The following ARL8B variants were observed in gnomAD, a reference collection of about 807,000 sequenced individuals.
The protein encoded by ARL8B is ADP-ribosylation factor-like protein 8B.
Under a neutral mutation model 30.6 loss-of-function variants are expected in ARL8B, and 9 were observed. The ratio of observed to expected loss-of-function variants is 0.29; its 90% CI spans 0.18 to 0.51. The LOEUF is 0.51. ARL8B is among the 20% of genes least tolerant of loss of function. The pLI is 0.97. For missense variants in ARL8B, 130 were observed against 227.2 expected (o/e 0.57, Z 2.75); for synonymous variants, 74 against 76.0 (o/e 0.97, Z 0.14).
intron 1 of ARL8B, among the ~76,000 whole-genome samples, chr3:5,154,373 GC>G (rs34477772): frequency 0.39 from 58,071 of 148,948 alleles, 12,918 homozygotes; most frequent in African/African-American, 0.64. Flanking sequence ...TCGCTGTGTT[GC>G]CCGAGGGTGG....
chr3:5,157,496 A>C (rs1039363151), intron 1 of ARL8B, among the ~76,000 whole-genome samples: 2 of 143,180 alleles, frequency 1.4e-5, no homozygotes, highest in Non-Finnish European at 3.1e-5. Context: ...AAACAAAAAA[A>C]CCCCCAAAGC....
intron 1 of ARL8B, among the ~76,000 whole-genome samples, chr3:5,128,162 CAAAAA>C (rs35084667): frequency 9.4e-5 from 5 of 53,152 alleles, no homozygotes; most frequent in Admixed American, 2.0e-4. Context: ...AAATCCGTCT[CAAAAA>C]AAAAAAAAAA....
intron 1 of ARL8B, chr3:5,128,631 T>G (rs1226733351): frequency 4.5e-6 from 1 of 221,210 alleles, no homozygotes; most frequent in East Asian, 1.5e-4. Context: ...ATTGAACCTA[T>G]AAAAAAGTTA....
At chr3:5,139,987 G>GTTTTTT (rs375903438) in intron 1 of ARL8B, among the ~76,000 whole-genome samples, 13 of 130,032 alleles carry the variant, frequency 1.0e-4, no homozygotes, top group African/African-American at 1.7e-4. Flanking sequence ...GATTAGTTTT[G>GTTTTTT]TTTTTTTTTT....
intron 1 of ARL8B, among the ~76,000 whole-genome samples, chr3:5,169,923 C>T (rs2054656719): frequency 6.6e-6 from 1 of 152,100 alleles, no homozygotes; most frequent in Non-Finnish European, 1.5e-5. Context: ...TCGTTGTGCT[C>T]AAGATTTAAG....
At chr3:5,168,947 A>G (rs1258233237) in intron 1 of ARL8B, among the ~76,000 whole-genome samples, 1 of 152,224 alleles carries the variant, frequency 6.6e-6, no homozygotes, top group Non-Finnish European at 1.5e-5. Context: ...GCCTATCACA[A>G]TAAATATAAT....
intron 1 of ARL8B, among the ~76,000 whole-genome samples, chr3:5,151,370 G>GAGTGC (rs1210234852): frequency 6.6e-6 from 1 of 152,106 alleles, no homozygotes; most frequent in Non-Finnish European, 1.5e-5. Context: ...TTGAACTCAG[G>GAGTGC]AGTCTGAGGC....
intron 1 of ARL8B, among the ~76,000 whole-genome samples, chr3:5,127,287 A>C (rs1039549836): frequency 2.0e-5 from 3 of 152,216 alleles, no homozygotes; most frequent in African/African-American, 7.2e-5. Flanking sequence ...CCACCTCTTT[A>C]GATCCAGCTG....
rs1222028709 is a variant in ARL8B at position 5,180,631 on chromosome 3, C to G, written c.*1918C>G. 10 of 152,674 alleles carry G rather than the reference C, an allele frequency of 6.5e-5. No homozygotes were observed. Among genetic ancestry groups the G allele is most frequent in the Admixed American group, 6.5e-4 (10 of 15,292 alleles). The allele number at this position is 152,674 out of a possible 1,614,324, so 9.5% of individuals were successfully genotyped here. A position where few individuals can be genotyped will look rare whatever the true frequency, so the allele number is the denominator to read the frequency against. On this transcript the variant is annotated 3_prime_UTR_variant, in exon 7 of 7. Transcript: ENST00000256496. Reference sequence around the variant, plus strand: ...GTGCATTAACCTCTGCATGTGAAAACTTTTAACAGTTACTGAACTATGTAA... The same window carrying G: ...GTGCATTAACCTCTGCATGTGAAAAGTTTTAACAGTTACTGAACTATGTAA...
At chr3:5,149,488 G>A (rs2054460177) in intron 1 of ARL8B, among the ~76,000 whole-genome samples, 1 of 151,548 alleles carries the variant, frequency 6.6e-6, no homozygotes, top group African/African-American at 2.4e-5. Flanking sequence ...GCACACCTGG[G>A]GCAGTTACGA....
chr3:5,122,725 C>T (rs1031914212), intron 1 of ARL8B, 137 bp downstream of exon 1: 23 of 999,032 alleles, frequency 2.3e-5, no homozygotes, highest in Non-Finnish European at 2.7e-5. Flanking sequence ...GGCCTGTCAT[C>T]TCCCGAGGGC....
chr3:5,175,123 A>C (rs1180549494), intron 6 of ARL8B, among the ~76,000 whole-genome samples: 1 of 152,112 alleles, frequency 6.6e-6, no homozygotes, highest in Non-Finnish European at 1.5e-5. Flanking sequence ...AACAGCAAAA[A>C]ATTTTTTAAA....
intron 6 of ARL8B, among the ~76,000 whole-genome samples, chr3:5,176,654 A>G (rs1406341496): frequency 6.6e-6 from 1 of 152,254 alleles, no homozygotes; most frequent in Non-Finnish European, 1.5e-5. Context: ...ATTTTCCTTT[A>G]TAAATGGATA....
Position 5,179,051 on chromosome 3 carries a change from A to C in ARL8B, c.*338A>C, listed in dbSNP as rs2054754904. The C allele has an allele frequency of 5.4e-6, 1 of 184,636 alleles. No individual in the cohort carries two copies. The highest frequency in any genetic ancestry group is 1.1e-5 in the Non-Finnish European group (1 of 89,352). 11.4% of individuals were successfully genotyped at this position (184,636 alleles called of 1,614,324 possible). On this transcript the variant is annotated 3_prime_UTR_variant, in exon 7 of 7. Coordinates refer to ENST00000256496, the MANE Select transcript of ARL8B (RefSeq NM_018184.3). ...ATTTCCATTCTGGTCTTTCTGGGCC[A>C]GATTTTTATATTGGTTTTCAGTAAA...
intron 6 of ARL8B, among the ~76,000 whole-genome samples, chr3:5,174,777 CATA>C (rs2054713772): frequency 7.1e-6 from 1 of 139,916 alleles, no homozygotes. Flanking sequence ...TTATATATAA[CATA>C]AATATATATA....
At chr3:5,127,097 T>G (rs1676063477) in intron 1 of ARL8B, among the ~76,000 whole-genome samples, 1 of 152,234 alleles carries the variant, frequency 6.6e-6, no homozygotes, top group Non-Finnish European at 1.5e-5. Flanking sequence ...TGTAGAAATA[T>G]GAACCTAGAA....
intron 1 of ARL8B, 40 bp downstream of exon 1, chr3:5,122,628 C>A (rs758122158): frequency 1.3e-6 from 2 of 1,570,370 alleles, no homozygotes; most frequent in South Asian, 1.2e-5. Flanking sequence ...GCTCCGCAGC[C>A]AGGAGTCCGG....
chr3:5,124,780 T>C (rs1013847270), intron 1 of ARL8B, among the ~76,000 whole-genome samples: 5 of 152,202 alleles, frequency 3.3e-5, no homozygotes, highest in African/African-American at 7.2e-5. Flanking sequence ...TTATATAATA[T>C]GGAAAAGATG....
chr3:5,167,243 C>G (rs1484643219), intron 1 of ARL8B, among the ~76,000 whole-genome samples: 1 of 152,178 alleles, frequency 6.6e-6, no homozygotes, highest in African/African-American at 2.4e-5. Flanking sequence ...CACAGAATCA[C>G]AGCGAGTGCC....
Sources: allele counts gnomAD v4.1 joint callset (sites outside exome capture counted in the v4.1 genomes callset), GRCh38; gene constraint gnomAD v4.1.1; transcripts MANE v1.5; gene names NCBI Gene and HGNC (gene_info 2026-07-23, HGNC 2026-07-21).